The following CDK19 variants were observed in gnomAD, a reference collection of about 807,000 sequenced individuals.
CDK19 encodes the protein cyclin-dependent kinase 19.
A neutral mutation model predicts 68.3 loss-of-function variants in CDK19; 20 were observed. The observed-to-expected ratio is 0.29, with a 90% CI of 0.21 to 0.43. CDK19 has a LOEUF of 0.43. Among genes scored for constraint, CDK19 ranks in the 20% least tolerant of loss-of-function variants. The pLI is 1.00. For synonymous variants in CDK19, 221 were observed against 222.8 expected (o/e 0.99, Z 0.07); for missense variants, 339 against 623.5 (o/e 0.54, Z 4.86).
intron 2 of CDK19, among the ~76,000 whole-genome samples, chr6:110,687,112 G>A (rs1772554966): frequency 6.6e-6 from 1 of 152,110 alleles, no homozygotes; most frequent in African/African-American, 2.4e-5. Context: ...ATCAGGTAAA[G>A]CCCCCTAGAA....
chr6:110,669,174 T>C (rs911301221), intron 3 of CDK19, among the ~76,000 whole-genome samples: 6 of 152,144 alleles, frequency 3.9e-5, no homozygotes, highest in African/African-American at 1.4e-4. Context: ...ATGAAAAGAA[T>C]TGAACAAAAA....
intron 2 of CDK19, among the ~76,000 whole-genome samples, chr6:110,741,856 T>C (rs1250875856): frequency 2.0e-5 from 3 of 152,086 alleles, no homozygotes; most frequent in Admixed American, 2.0e-4. Flanking sequence ...AGAAAAAGAA[T>C]TACGACATTC....
At chr6:110,809,811 G>A (rs1406681981) in intron 1 of CDK19, among the ~76,000 whole-genome samples, 1 of 152,186 alleles carries the variant, frequency 6.6e-6, no homozygotes, top group African/African-American at 2.4e-5. Flanking sequence ...CAAGGCACTG[G>A]ACAGAATGAT....
chr6:110,654,645 T>C (rs1031083459), intron 4 of CDK19, among the ~76,000 whole-genome samples: 1 of 152,152 alleles, frequency 6.6e-6, no homozygotes, highest in Non-Finnish European at 1.5e-5. Context: ...AAGTTCCCAA[T>C]TTGAAAAGAA....
intron 2 of CDK19, among the ~76,000 whole-genome samples, chr6:110,674,177 C>T (rs1184409561): frequency 6.6e-6 from 1 of 152,158 alleles, no homozygotes; most frequent in East Asian, 1.9e-4. Flanking sequence ...CATAAGATGG[C>T]AAACTTAATC....
At chr6:110,747,881 A>G (rs1351938171) in intron 1 of CDK19, among the ~76,000 whole-genome samples, 2 of 152,246 alleles carry the variant, frequency 1.3e-5, no homozygotes, top group Non-Finnish European at 2.9e-5. Flanking sequence ...ATGTAATCAA[A>G]GCCAAGTGTC....
intron 12 of CDK19, among the ~76,000 whole-genome samples, chr6:110,619,532 T>C (rs909741707): frequency 1.3e-5 from 2 of 151,474 alleles, no homozygotes; most frequent in African/African-American, 4.8e-5. Context: ...GTCTTCTGCT[T>C]GACTAGGCCT....
Position 110,815,449 on chromosome 6 carries a change from G to A in CDK19, c.-313C>T. The A allele has an allele frequency of 4.2e-6, 1 of 236,196 alleles. No homozygotes were observed. Among genetic ancestry groups the A allele is most frequent in the African/African-American group, 2.3e-5 (1 of 43,894 alleles). The allele number at this position is 236,196 out of a possible 1,614,324, so 14.6% of individuals were successfully genotyped here. On this transcript the variant is annotated 5_prime_UTR_variant, in exon 1 of 13. Coordinates refer to ENST00000368911, the MANE Select transcript of CDK19 (RefSeq NM_015076.5). The stretch of plus-strand genomic sequence containing the variant: ...TGGTGGGCCGCGCCGTGGCTTCCTC[G>A]AGCTCATTAGCGAACTCACTGGCCC...
At chr6:110,662,592 T>C (rs534515009) in intron 4 of CDK19, among the ~76,000 whole-genome samples, 1 of 152,312 alleles carries the variant, frequency 6.6e-6, no homozygotes, top group African/African-American at 2.4e-5. Flanking sequence ...ATGCCAATGC[T>C]GGGACTACAA....
At chr6:110,782,555 A>G (rs1780893291) in intron 1 of CDK19, among the ~76,000 whole-genome samples, 1 of 152,156 alleles carries the variant, frequency 6.6e-6, no homozygotes, top group Admixed American at 6.5e-5. Context: ...CCTCTGTAAA[A>G]CTATACAGCA....
chr6:110,720,783 C>A (rs1377442515), intron 2 of CDK19, among the ~76,000 whole-genome samples: 13 of 150,100 alleles, frequency 8.7e-5, no homozygotes, highest in African/African-American at 3.2e-4. Flanking sequence ...AGGAGAATCG[C>A]TTGAACCCGG....
intron 9 of CDK19, 143 bp downstream of exon 9, chr6:110,623,147 G>C (rs1362241002): frequency 2.9e-6 from 2 of 695,988 alleles, no homozygotes; most frequent in Non-Finnish European, 4.9e-6. Flanking sequence ...GAAAGACAGG[G>C]TGACATCTCA....
At chr6:110,784,172 A>G (rs951709516) in intron 1 of CDK19, among the ~76,000 whole-genome samples, 2 of 151,110 alleles carry the variant, frequency 1.3e-5, no homozygotes, top group Non-Finnish European at 2.9e-5. Flanking sequence ...AAAAAAAAAA[A>G]AAAAAGGAAA....
intron 4 of CDK19, chr6:110,646,212 G>C (rs887543686): frequency 1.4e-6 from 2 of 1,420,760 alleles, no homozygotes; most frequent in Non-Finnish European, 1.9e-6. Context: ...CAACTCGTCG[G>C]GGTCCGACGC....
intron 6 of CDK19, 56 bp from the exon 7 acceptor site, chr6:110,627,201 A>T: frequency 7.6e-7 from 1 of 1,313,018 alleles, no homozygotes; most frequent in Non-Finnish European, 1.1e-6. Flanking sequence ...TAATTCCTAG[A>T]TATAATCCCA....
chr6:110,793,496 A>T (rs973413075), intron 1 of CDK19, among the ~76,000 whole-genome samples: 2 of 152,216 alleles, frequency 1.3e-5, no homozygotes, highest in African/African-American at 4.8e-5. Context: ...TTGATTATGA[A>T]AAGTCTTTAC....
intron 1 of CDK19, among the ~76,000 whole-genome samples, chr6:110,761,380 G>A (rs375498403): frequency 3.9e-5 from 6 of 152,220 alleles, no homozygotes; most frequent in African/African-American, 1.4e-4. Flanking sequence ...ATAAAAAGAA[G>A]TGGATGGATC....
chr6:110,659,300 C>T (rs1395675212), intron 4 of CDK19, among the ~76,000 whole-genome samples: 1 of 152,172 alleles, frequency 6.6e-6, no homozygotes, highest in East Asian at 1.9e-4. Flanking sequence ...GAAAGATGAA[C>T]AGTACAGCAT....
intron 2 of CDK19, among the ~76,000 whole-genome samples, chr6:110,673,566 T>G (rs1188330237): frequency 1.3e-5 from 2 of 151,690 alleles, no homozygotes; most frequent in African/African-American, 4.8e-5. Flanking sequence ...TTTGTAGAGA[T>G]AGAGTCTCAC....
Sources: allele counts gnomAD v4.1 joint callset (sites outside exome capture counted in the v4.1 genomes callset), GRCh38; gene constraint gnomAD v4.1.1; transcripts MANE v1.5; gene names NCBI Gene and HGNC (gene_info 2026-07-23, HGNC 2026-07-21).